Variants in ZNF678 observed in about 807,000 individuals in gnomAD.
ZNF678 encodes hypothetical protein MGC42493.
A neutral mutation model predicts 3.0 loss-of-function variants in ZNF678; 5 were observed. That is an observed-to-expected ratio of 1.69 (90% confidence interval 0.88 to 3.56). The LOEUF is 3.56. ZNF678 is among the 30% of genes most tolerant of loss of function. The probability of loss-of-function intolerance (pLI) is 0.00; values close to 1 mark genes in which losing one functional copy is unlikely to be tolerated. For missense variants in ZNF678, 593 were observed against 605.0 expected, an observed-to-expected ratio of 0.98 and a Z score of 0.21; for synonymous variants, 218 against 199.6, an observed-to-expected ratio of 1.09 and a Z score of -0.78.
chr1:227,582,879 G>T (rs1657166048), intron 1 of ZNF678, among the ~76,000 whole-genome samples: 1 of 152,088 alleles, frequency 6.6e-6, no homozygotes, highest in African/African-American at 2.4e-5. Flanking sequence ...TCATTAATAA[G>T]TTGGTCATAT....
At chr1:227,567,741 C>CT in intron 1 of ZNF678, among the ~76,000 whole-genome samples, 1 of 134,592 alleles carries the variant, frequency 7.4e-6, no homozygotes, top group East Asian at 2.2e-4. Context: ...CAGAATTTTT[C>CT]TTTATTTTCC....
intron 1 of ZNF678, among the ~76,000 whole-genome samples, chr1:227,597,796 A>G (rs1657632412): frequency 1.3e-5 from 2 of 152,228 alleles, no homozygotes; most frequent in Non-Finnish European, 2.9e-5. Context: ...AAAGGATGAC[A>G]CTAAGCTCAG....
At chr1:227,647,376 A>G (rs1366811223) in intron 2 of ZNF678, among the ~76,000 whole-genome samples, 1 of 152,140 alleles carries the variant, frequency 6.6e-6, no homozygotes, top group East Asian at 1.9e-4. Context: ...TTTTTTTCCT[A>G]CTGAGCACCA....
Position 227,655,538 on chromosome 1 carries a change from G to A in ZNF678, c.1288G>A (p.Glu430Lys). ...LTSHKRIHTG[E>K]KPYKCKECGK... ...TAGCCATAAGAGAATTCATACTGGA[G>A]AGAAACCCTACAAATGTAAAGAATG... The change falls in exon 4 of 4, where the codon GAG becomes AAG. Residue 430 changes from glutamate to lysine, a missense_variant. Transcript: ENST00000343776. 3.7e-6 allele frequency: 6 copies of A among 1,612,624 alleles called. No individual in the cohort carries two copies. The highest frequency in any genetic ancestry group is 5.1e-6 in the Non-Finnish European group (6 of 1,179,382).
At chr1:227,603,177 G>T (rs974064930) in intron 1 of ZNF678, among the ~76,000 whole-genome samples, 1 of 152,208 alleles carries the variant, frequency 6.6e-6, no homozygotes, top group African/African-American at 2.4e-5. Context: ...CAGCTCCACA[G>T]GCAGCTAATT....
At chr1:227,613,754 C>T (rs1658079306) in intron 1 of ZNF678, among the ~76,000 whole-genome samples, 1 of 152,174 alleles carries the variant, frequency 6.6e-6, no homozygotes, top group African/African-American at 2.4e-5. Flanking sequence ...GACTCCCTTG[C>T]AAAACTCTGT....
downstream of ZNF678, among the ~76,000 whole-genome samples, chr1:227,667,314 A>C (rs1659520329): frequency 1.3e-5 from 2 of 152,212 alleles, no homozygotes; most frequent in South Asian, 4.1e-4. Flanking sequence ...AGGATTTCAG[A>C]CATGAGACAC....
In ZNF678 at chr1:227,589,132, C is replaced by T. The variant is rs933519488; in HGVS notation, c.-164+25408C>T. 9.5e-5 allele frequency among the ~76,000 whole-genome samples: 14 copies of T among 147,932 alleles called. 1 individual carries two copies. Among genetic ancestry groups the T allele is most frequent in the African/African-American group, 3.6e-4 (14 of 39,328 alleles). On this transcript the variant is annotated intron_variant, in intron 1 of 3. Coordinates refer to ENST00000343776, the MANE Select transcript of ZNF678 (RefSeq NM_001367909.1). ...GATCATTTCTTTTGCCGTGCAGAAG[C>T]TCTTTAGTTTAATTAGATCCCATTT...
chr1:227,625,143 C>T lies in ZNF678; in HGVS notation c.-163-21401C>T, dbSNP rs1281211669. ...AGCCTAATTGATATTTTAGTGAGCT[C>T]TCTTTACTACCTAATTGGTTGGGTG... On this transcript the variant is annotated intron_variant, in intron 1 of 3. Transcript: ENST00000343776. Among the ~76,000 whole-genome samples the T allele has an allele frequency of 3.3e-5, 5 of 152,296 alleles. No homozygotes were observed. The East Asian group carries it at 5.8e-4, about 18-fold the overall frequency.
intron 1 of ZNF678, among the ~76,000 whole-genome samples, chr1:227,593,858 C>A (rs1422105918): frequency 2.8e-5 from 1 of 36,050 alleles, no homozygotes; most frequent in Non-Finnish European, 4.4e-5. Flanking sequence ...GAGTCCATCC[C>A]CCCCCCCCCT....
chr1:227,654,907 C>T lies in ZNF678; in HGVS notation c.657C>T (p.Thr219=), dbSNP rs1462154837. The T allele has an allele frequency of 1.9e-6, 3 of 1,605,658 alleles. 1 individual carries two copies. Among genetic ancestry groups the T allele is most frequent in the East Asian group, 4.5e-5 (2 of 44,398 alleles). The part of the protein sequence containing the change: ...YPCEECGKAF[T]QFSNLTQHKR... ...GTGAAGAATGTGGCAAAGCCTTTAC[C>T]CAGTTCTCAAACCTTACACAACATA... The change falls in exon 4 of 4, where the codon ACC becomes ACT. Residue 219 remains threonine (T), a synonymous_variant. Transcript: ENST00000343776.
intron 1 of ZNF678, chr1:227,599,022 T>C: frequency 2.0e-6 from 3 of 1,508,236 alleles, no homozygotes; most frequent in South Asian, 1.1e-5. Context: ...AGTTGCTCTT[T>C]TACTTCTTCC....
At chr1:227,572,551 C>T (rs939813328) in intron 1 of ZNF678, among the ~76,000 whole-genome samples, 4 of 152,328 alleles carry the variant, frequency 2.6e-5, no homozygotes, top group Admixed American at 1.3e-4. Flanking sequence ...TGGGGAAGAG[C>T]GATGGGCACC....
At chr1:227,584,211 G>T (rs182791139) in intron 1 of ZNF678, among the ~76,000 whole-genome samples, 1 of 152,236 alleles carries the variant, frequency 6.6e-6, no homozygotes, top group African/African-American at 2.4e-5. Context: ...TTGTCACAAG[G>T]CCTAAAGCAG....
In ZNF678 at chr1:227,655,856, T is replaced by C. The variant is rs1659235574; in HGVS notation, c.*28T>C. Reference sequence around the variant, plus strand: ...ACTGCTTCATTATACATGGCTTCACTAATTTCATACTGAATAAAAGTGGTA... The same window carrying C: ...ACTGCTTCATTATACATGGCTTCACCAATTTCATACTGAATAAAAGTGGTA... On this transcript the variant is annotated 3_prime_UTR_variant, in exon 4 of 4. Coordinates refer to ENST00000343776, the MANE Select transcript of ZNF678 (RefSeq NM_001367909.1). 1 of 1,531,936 alleles carries C rather than the reference T, an allele frequency of 6.5e-7. No individual in the cohort carries two copies. Among genetic ancestry groups the C allele is most frequent in the Admixed American group, 2.2e-5 (1 of 46,282 alleles). 94.9% of individuals were successfully genotyped at this position (1,531,936 alleles called of 1,614,324 possible). A position where few individuals can be genotyped will look rare whatever the true frequency, so the allele number is the denominator to read the frequency against.
chr1:227,676,760 G>A (rs896298029), intron 5 of ZNF678, among the ~76,000 whole-genome samples: 40 of 148,786 alleles, frequency 2.7e-4, no homozygotes, highest in African/African-American at 9.9e-4. Flanking sequence ...CTATAAGAGA[G>A]AACATGCGGT....
At chr1:227,649,760 T>C (rs1415592171) in intron 2 of ZNF678, among the ~76,000 whole-genome samples, 1 of 152,250 alleles carries the variant, frequency 6.6e-6, no homozygotes, top group Non-Finnish European at 1.5e-5. Context: ...GATTGCCTGA[T>C]GATTGGTGAT....
chr1:227,592,229 T>C (rs1167930375), intron 1 of ZNF678, among the ~76,000 whole-genome samples: 2 of 152,248 alleles, frequency 1.3e-5, no homozygotes, highest in Non-Finnish European at 2.9e-5. Context: ...GGTATCTAGT[T>C]AGTCTAGCAT....
chr1:227,594,885 T>G (rs1302624635), intron 1 of ZNF678, among the ~76,000 whole-genome samples: 1 of 152,200 alleles, frequency 6.6e-6, no homozygotes, highest in Non-Finnish European at 1.5e-5. Flanking sequence ...TGGTGAGGTG[T>G]GCTCACAATG....
Sources: allele counts gnomAD v4.1 joint callset (sites outside exome capture counted in the v4.1 genomes callset), GRCh38; gene constraint gnomAD v4.1.1; transcripts MANE v1.5; gene names NCBI Gene and HGNC (gene_info 2026-07-23, HGNC 2026-07-21).